Variants in TSGA13 observed in about 807,000 individuals in gnomAD.
TSGA13 encodes the protein testis-specific gene 13 protein.
A neutral mutation model predicts 35.1 loss-of-function variants in TSGA13; 37 were observed. The ratio of observed to expected loss-of-function variants is 1.05; its 90% CI spans 0.81 to 1.39. The LOEUF (loss-of-function observed/expected upper bound fraction) is 1.39. TSGA13 is among the 40% of genes most tolerant of loss of function. TSGA13 has a pLI of 0.00. For synonymous variants in TSGA13, 124 were observed against 121.2 expected, an observed-to-expected ratio of 1.02 and a Z score of -0.15; for missense variants, 338 against 328.5, an observed-to-expected ratio of 1.03 and a Z score of -0.22.
chr7:130,678,104 C>T (rs1253982714), intron 5 of TSGA13, among the ~76,000 whole-genome samples: 3 of 152,008 alleles, frequency 2.0e-5, no homozygotes, highest in Admixed American at 1.3e-4. Flanking sequence ...GTAGGCCGGG[C>T]GCGATGGCTC....
At chr7:130,671,530 G>T in intron 7 of TSGA13, 131 bp downstream of exon 7, 1 of 1,055,416 alleles carries the variant, frequency 9.5e-7, no homozygotes, top group Non-Finnish European at 1.3e-6. Flanking sequence ...TAACTTCCAT[G>T]CTATAGGGAA....
Position 130,679,216 on chromosome 7 carries a change from GTGAT to G in TSGA13, c.322_325del (p.Ile108ProfsTer44). On this transcript the variant is annotated frameshift_variant, in exon 5 of 8. Coordinates refer to ENST00000356588, the MANE Select transcript of TSGA13 (RefSeq NM_052933.4). LOFTEE classifies it high-confidence loss of function. ...TGATGCACTCTCCTTGTCTTGCTGG[GTGAT>G]TGAGCAGGGAGGTGGGTTGTTGGTC... 6.2e-7 allele frequency: 1 copy of G among 1,614,158 alleles called. No homozygotes were observed. The highest frequency in any genetic ancestry group is 8.5e-7 in the Non-Finnish European group (1 of 1,180,026).
At chr7:130,676,961 C>T (rs1170287387) in intron 5 of TSGA13, among the ~76,000 whole-genome samples, 4 of 150,536 alleles carry the variant, frequency 2.7e-5, no homozygotes, top group Admixed American at 1.3e-4. Flanking sequence ...GGTGCGATCT[C>T]GGCTCACTGC....
At chr7:130,671,533 A>C in intron 7 of TSGA13, 128 bp downstream of exon 7, 2 of 1,068,632 alleles carry the variant, frequency 1.9e-6, no homozygotes, top group Non-Finnish European at 1.2e-6. Flanking sequence ...CTTCCATGCT[A>C]TAGGGAAAAA....
At chr7:130,674,152 C>CT (rs1178676560) in intron 5 of TSGA13, among the ~76,000 whole-genome samples, 1 of 133,750 alleles carries the variant, frequency 7.5e-6, no homozygotes, top group East Asian at 2.3e-4. Context: ...TTCTTTTCTT[C>CT]TTTTTTTTCT....
At chr7:130,672,619 T>G (rs1554463347) in intron 6 of TSGA13, 115 bp downstream of exon 6, 2 of 1,401,196 alleles carry the variant, frequency 1.4e-6, no homozygotes. Flanking sequence ...AAGTCGTGTC[T>G]TACTATCTTT....
In TSGA13 at chr7:130,668,842, G is replaced by A; in HGVS notation, c.*172C>T. The A allele has an allele frequency of 7.7e-7, 1 of 1,302,386 alleles. No homozygotes were observed. Among genetic ancestry groups the A allele is most frequent in the Non-Finnish European group, 1.0e-6 (1 of 965,474 alleles). 80.7% of individuals were successfully genotyped at this position (1,302,386 alleles called of 1,614,324 possible). A position where few individuals can be genotyped will look rare whatever the true frequency, so the allele number is the denominator to read the frequency against. On this transcript the variant is annotated 3_prime_UTR_variant, in exon 8 of 8. Transcript: ENST00000356588. ...GGCCGCCCTCGGCCCCCGGGACGCA[G>A]CCACGCCCCCTTCTCCTCTTGCGGC...
chr7:130,677,676 C>T (rs1474511248), intron 5 of TSGA13, among the ~76,000 whole-genome samples: 1 of 151,618 alleles, frequency 6.6e-6, no homozygotes, highest in East Asian at 2.0e-4. Flanking sequence ...CTGCCCGCCT[C>T]AGCCTCCCAA....
chr7:130,669,454 C>T (rs1399079427), intron 7 of TSGA13, among the ~76,000 whole-genome samples: 1 of 152,226 alleles, frequency 6.6e-6, no homozygotes, highest in Non-Finnish European at 1.5e-5. Flanking sequence ...ACCATATTGA[C>T]ACTTAAGAAA....
At chr7:130,682,840 C>T (rs1441358056) in intron 3 of TSGA13, among the ~76,000 whole-genome samples, 1 of 152,140 alleles carries the variant, frequency 6.6e-6, no homozygotes, top group Admixed American at 6.5e-5. Context: ...GTGGGATGAA[C>T]TATGAGATGG....
intron 6 of TSGA13, 39 bp from the exon 7 acceptor site, chr7:130,671,827 CA>C: frequency 6.9e-7 from 1 of 1,439,426 alleles, no homozygotes; most frequent in Non-Finnish European, 9.2e-7. Context: ...GATCCTAGGG[CA>C]GGGGGATTCA....
At chr7:130,677,866 A>G (rs1300148790) in intron 5 of TSGA13, among the ~76,000 whole-genome samples, 1 of 152,224 alleles carries the variant, frequency 6.6e-6, no homozygotes, top group Non-Finnish European at 1.5e-5. Flanking sequence ...CCCAACAGAA[A>G]TACTGTATTC....
At position 130,683,720 on chromosome 7, in the gene TSGA13, T is replaced by C. The variant is rs782228509; in HGVS notation, c.24-48A>G. 3.2e-6 allele frequency: 5 copies of C among 1,556,912 alleles called. No individual in the cohort carries two copies. The South Asian group carries it at 5.6e-5, about 18-fold the overall frequency. On this transcript the variant is annotated intron_variant, in intron 2 of 7. Transcript: ENST00000356588. ...GGTTGCACTTTCTGGCTCAGAGGCC[T>C]GGACTTCTGCATATTGTCAGTCTCC...
At chr7:130,684,771 A>C (rs13223150) in intron 2 of TSGA13, among the ~76,000 whole-genome samples, 72,791 of 151,998 alleles carry the variant, frequency 0.48, 18,313 homozygotes, top group East Asian at 0.61. Context: ...GGAGAGACCA[A>C]AATTCATCCC....
intron 3 of TSGA13, among the ~76,000 whole-genome samples, chr7:130,682,669 A>G (rs1435299223): frequency 6.6e-6 from 1 of 152,208 alleles, no homozygotes; most frequent in Non-Finnish European, 1.5e-5. Flanking sequence ...AAGAGGGCTA[A>G]TGGAGAAGAG....
rs564205875 is a variant in TSGA13 at position 130,678,334 on chromosome 7, G to A, written c.387+821C>T. On this transcript the variant is annotated intron_variant, in intron 5 of 7. Transcript: ENST00000356588. ...GCGGAGCTTGCAGTGAGCCGAGATC[G>A]CGCCACTGTACTCCAGCCTGAGCGA... Among the ~76,000 whole-genome samples, 240 of 151,704 alleles carry A rather than the reference G, an allele frequency of 1.6e-3. 1 individual carries two copies. Among genetic ancestry groups the A allele is most frequent in the Admixed American group, 3.7e-3 (57 of 15,260 alleles).
intron 5 of TSGA13, among the ~76,000 whole-genome samples, chr7:130,673,460 TA>T (rs797022906): frequency 5.5e-4 from 80 of 144,380 alleles, no homozygotes; most frequent in Middle Eastern, 3.5e-3. Flanking sequence ...TTTCTTTACC[TA>T]AAAAAAAAAA....
In TSGA13 at chr7:130,668,822, C is replaced by CCCTCGGCCCCCGGGACGCAG; in HGVS notation, c.*172_*191dup. On this transcript the variant is annotated 3_prime_UTR_variant, in exon 8 of 8. Coordinates refer to ENST00000356588, the MANE Select transcript of TSGA13 (RefSeq NM_052933.4). Reference sequence around the variant, plus strand: ...GGCCAAGGCCCGCCCTCCCCGGCCGCCCTCGGCCCCCGGGACGCAGCCACG... The same window carrying CCCTCGGCCCCCGGGACGCAG: ...GGCCAAGGCCCGCCCTCCCCGGCCGCCCTCGGCCCCCGGGACGCAGCCTCGGCCCCCGGGACGCAGCCACG... 1.6e-6 allele frequency: 2 copies of CCCTCGGCCCCCGGGACGCAG among 1,275,778 alleles called. No homozygotes were observed. Among genetic ancestry groups the CCCTCGGCCCCCGGGACGCAG allele is most frequent in the Non-Finnish European group, 2.1e-6 (2 of 950,286 alleles). The allele number at this position is 1,275,778 out of a possible 1,614,324, so 79.0% of individuals were successfully genotyped here.
rs880001221 is a variant in TSGA13, at chr7:130,668,888, A to G, written c.*126T>C. 2.6e-5 allele frequency: 37 copies of G among 1,432,376 alleles called. No homozygotes were observed. The highest frequency in any genetic ancestry group is 3.4e-5 in the Non-Finnish European group (36 of 1,066,488). The allele number at this position is 1,432,376 out of a possible 1,614,324, so 88.7% of individuals were successfully genotyped here. On this transcript the variant is annotated 3_prime_UTR_variant, in exon 8 of 8. Coordinates refer to ENST00000356588, the MANE Select transcript of TSGA13 (RefSeq NM_052933.4). ...GCGGCCCGCCGGAGACTTCGGCTCG[A>G]CCCTCCCGGCTTGCGACCCGGGAGC...
Sources: gnomAD v4.1 joint callset for allele counts (sites outside exome capture counted in the v4.1 genomes callset) on GRCh38, gnomAD v4.1.1 for gene constraint, MANE v1.5 for transcripts, NCBI Gene and HGNC (gene_info 2026-07-23, HGNC 2026-07-21) for gene names.